AFDN: variants seen among roughly 807,000 people sequenced by gnomAD.
AFDN encodes afadin, adherens junction formation factor.
AFDN carries 68 observed loss-of-function variants against 216.6 expected under a neutral mutation model. The ratio of observed to expected loss-of-function variants is 0.31; its 90% CI spans 0.26 to 0.38. The LOEUF is 0.38. AFDN is among the 10% of genes least tolerant of loss of function. The probability of loss-of-function intolerance (pLI) is 1.00; values close to 1 mark genes in which losing one functional copy is unlikely to be tolerated. For missense variants in AFDN, 2,136 were observed against 2,342.0 expected (o/e 0.91, Z 1.82); for synonymous variants, 868 against 853.7 (o/e 1.02, Z -0.29).
chr6:167,962,835 C>T lies in AFDN; in HGVS notation c.4968+268C>T. Reference sequence around the variant, plus strand: ...CTTGGGCGTGTGTAGCAGTGAGCCTCTTTGCAAAGGGTTCGTTTCCTCGGG... The same window carrying T: ...CTTGGGCGTGTGTAGCAGTGAGCCTTTTTGCAAAGGGTTCGTTTCCTCGGG... On this transcript the variant is annotated intron_variant, in intron 31 of 33. Coordinates refer to ENST00000683244, the MANE Select transcript of AFDN (RefSeq NM_001386888.1). The surrounding 1 kb of genome is among the most constrained non-coding windows in gnomAD (Gnocchi z 5.2). 7.8e-7 allele frequency: 1 copy of T among 1,284,326 alleles called. No individual in the cohort carries two copies. The highest frequency in any genetic ancestry group is 3.3e-5 in the Admixed American group (1 of 30,684). The allele number at this position is 1,284,326 out of a possible 1,614,324, so 79.6% of individuals were successfully genotyped here. A position where few individuals can be genotyped will look rare whatever the true frequency, so the allele number is the denominator to read the frequency against.
chr6:167,882,135 TAAAG>T (rs1786193444), intron 6 of AFDN, among the ~76,000 whole-genome samples: 1 of 151,680 alleles, frequency 6.6e-6, no homozygotes, highest in African/African-American at 2.4e-5. Context: ...CTTACAGAGA[TAAAG>T]AAAATAGTGC....
chr6:167,896,539 T>C (rs1450251370), intron 9 of AFDN, among the ~76,000 whole-genome samples: 1 of 152,228 alleles, frequency 6.6e-6, no homozygotes, highest in Non-Finnish European at 1.5e-5. Flanking sequence ...TGTGTGTCTT[T>C]GATGAGCTTC....
At chr6:167,933,224 T>C (rs188314230) in intron 23 of AFDN, among the ~76,000 whole-genome samples, 21 of 152,354 alleles carry the variant, frequency 1.4e-4, no homozygotes, top group Non-Finnish European at 1.6e-4. Flanking sequence ...TTTTACTATT[T>C]TATTTAAAAA....
chr6:167,836,026 A>T (rs6901522), intron 1 of AFDN, among the ~76,000 whole-genome samples: 45,879 of 152,124 alleles, frequency 0.3, 7,943 homozygotes, highest in East Asian at 0.6. Flanking sequence ...TTTACGCATT[A>T]TATATTTTCT....
chr6:167,937,107 A>G (rs1425872271), intron 23 of AFDN, among the ~76,000 whole-genome samples: 3 of 152,126 alleles, frequency 2.0e-5, no homozygotes, highest in Non-Finnish European at 4.4e-5. Context: ...GCAGGAAAGG[A>G]GTGTGTACAG....
At chr6:167,919,139 T>C (rs1791474721) in intron 21 of AFDN, among the ~76,000 whole-genome samples, 1 of 152,220 alleles carries the variant, frequency 6.6e-6, no homozygotes, top group Admixed American at 6.5e-5. Context: ...GGGCATGTTT[T>C]GTGACCCTGT....
chr6:167,893,781 T>C (rs1787898647), intron 8 of AFDN, 81 bp from the exon 9 acceptor site: 1 of 1,071,690 alleles, frequency 9.3e-7, no homozygotes, highest in Non-Finnish European at 1.4e-6. Context: ...TTCTCCTCCT[T>C]CCCTATTCCG....
At chr6:167,930,786 G>A (rs895651051) in intron 23 of AFDN, among the ~76,000 whole-genome samples, 1 of 152,216 alleles carries the variant, frequency 6.6e-6, no homozygotes, top group Non-Finnish European at 1.5e-5. Flanking sequence ...GAAAGGCCTT[G>A]TGATGGTGGG....
At chr6:167,926,933 C>A (rs1481607538) in intron 23 of AFDN, among the ~76,000 whole-genome samples, 1 of 152,104 alleles carries the variant, frequency 6.6e-6, no homozygotes, top group Admixed American at 6.5e-5. Context: ...CAAATAAGAA[C>A]AATTTTTTTT....
chr6:167,922,997 C>T (rs757464592), intron 22 of AFDN, 38 bp downstream of exon 22: 2 of 1,378,036 alleles, frequency 1.5e-6, no homozygotes, highest in Non-Finnish European at 2.1e-6. Context: ...GAAATGGATC[C>T]TTAGGACTTG....
chr6:167,861,661 G>C (rs778615346), intron 1 of AFDN, among the ~76,000 whole-genome samples: 1 of 152,142 alleles, frequency 6.6e-6, no homozygotes, highest in African/African-American at 2.4e-5. Context: ...GTCTTTATCA[G>C]CTCATTCTGG....
At chr6:167,848,698 T>A (rs904831984) in intron 1 of AFDN, among the ~76,000 whole-genome samples, 2 of 152,210 alleles carry the variant, frequency 1.3e-5, no homozygotes, top group African/African-American at 4.8e-5. Context: ...GTCTTCACCC[T>A]CCTCAATATA....
chr6:167,904,853 A>C (rs1216720068), intron 12 of AFDN, among the ~76,000 whole-genome samples: 5 of 152,306 alleles, frequency 3.3e-5, no homozygotes, highest in African/African-American at 1.2e-4. Context: ...CATTTAAAAA[A>C]TGTAAATTAG....
At chr6:167,909,502 A>G (rs1382360382) in intron 13 of AFDN, among the ~76,000 whole-genome samples, 1 of 152,084 alleles carries the variant, frequency 6.6e-6, no homozygotes, top group Admixed American at 6.5e-5. Context: ...GTTTTTTATT[A>G]TCTATATTAA....
intron 1 of AFDN, among the ~76,000 whole-genome samples, chr6:167,858,037 A>G (rs1305885026): frequency 1.3e-5 from 2 of 152,200 alleles, no homozygotes; most frequent in South Asian, 2.1e-4. Flanking sequence ...TTATCTTTCA[A>G]ATTTCCAGTG....
intron 4 of AFDN, among the ~76,000 whole-genome samples, chr6:167,874,338 GA>G (rs1785106186): frequency 6.6e-6 from 1 of 152,054 alleles, no homozygotes; most frequent in Admixed American, 6.6e-5. Context: ...TGTTCAACTT[GA>G]TTAAAAGCTT....
intron 11 of AFDN, among the ~76,000 whole-genome samples, chr6:167,900,762 T>C (rs1036774413): frequency 9.9e-5 from 15 of 152,218 alleles, no homozygotes; most frequent in Non-Finnish European, 5.9e-5. Context: ...GCAGAGAAGC[T>C]GGCCTGCTGT....
At chr6:167,943,841 G>A in intron 25 of AFDN, 100 bp from the exon 26 acceptor site, 1 of 982,492 alleles carries the variant, frequency 1.0e-6, no homozygotes, top group East Asian at 2.4e-5. Context: ...AATAGATGAA[G>A]CTGTGTAACA....
intron 1 of AFDN, chr6:167,827,899 AGAG>A (rs1456399611): frequency 1.3e-5 from 2 of 152,150 alleles, no homozygotes; most frequent in Admixed American, 6.5e-5. Flanking sequence ...TGGCTCCCTG[AGAG>A]GAGGAGGAAA....
Sources: allele counts gnomAD v4.1 joint callset (sites outside exome capture counted in the v4.1 genomes callset), GRCh38; gene constraint gnomAD v4.1.1; non-coding constraint Gnocchi (gnomAD v3.1); transcripts MANE v1.5; gene names NCBI Gene and HGNC (gene_info 2026-07-23, HGNC 2026-07-21).